ARHGAP24: variants seen among roughly 807,000 people sequenced by gnomAD.
The protein encoded by ARHGAP24 is rho GTPase-activating protein 24.
In ARHGAP24, 50 loss-of-function variants were observed where a neutral mutation model predicts 76.4. The observed-to-expected ratio is 0.65, with a 90% CI of 0.52 to 0.83. The LOEUF is 0.83. Ranked by LOEUF, ARHGAP24 falls within the 40% of genes least tolerant of loss-of-function variation. ARHGAP24 has a pLI of 0.00. For synonymous variants in ARHGAP24, 345 were observed against 323.3 expected, an observed-to-expected ratio of 1.07 and a Z score of -0.72; for missense variants, 930 against 914.2, an observed-to-expected ratio of 1.02 and a Z score of -0.22.
intron 2 of ARHGAP24, among the ~76,000 whole-genome samples, chr4:85,603,366 A>G (rs1480272441): frequency 6.6e-6 from 1 of 152,232 alleles, no homozygotes; most frequent in Non-Finnish European, 1.5e-5. Context: ...GCTGTGACGC[A>G]CTTACCATCC....
intron 1 of ARHGAP24, among the ~76,000 whole-genome samples, chr4:85,564,301 A>G (rs563166836): frequency 6.6e-6 from 1 of 151,954 alleles, no homozygotes; most frequent in Non-Finnish European, 1.5e-5. Flanking sequence ...GACAAAAAAA[A>G]CAAGCACTGT....
At chr4:85,807,666 G>C (rs761133124) in intron 3 of ARHGAP24, among the ~76,000 whole-genome samples, 1 of 152,062 alleles carries the variant, frequency 6.6e-6, no homozygotes. Flanking sequence ...TCCTGATGAC[G>C]GATGGTTTTG....
rs116763730 is a variant in ARHGAP24, at chr4:85,627,146, C to A, written c.180+56425C>A. Among the ~76,000 whole-genome samples, 15 of 151,992 alleles carry A rather than the reference C, an allele frequency of 9.9e-5. No individual in the cohort carries two copies. The East Asian group carries it at 2.5e-3, about 26-fold the overall frequency. ...TGCATTCCTTTGGAGGAGGAGAGGC[C>A]TTCTGATTTTTAGAGTTTTGAGTTT... On this transcript the variant is annotated intron_variant, in intron 2 of 9. Coordinates refer to ENST00000395184, the MANE Select transcript of ARHGAP24 (RefSeq NM_001025616.3).
chr4:85,804,047 G>A (rs1728688484), intron 3 of ARHGAP24, among the ~76,000 whole-genome samples: 1 of 151,716 alleles, frequency 6.6e-6, no homozygotes, highest in Admixed American at 6.6e-5. Context: ...CGCCTCCTGG[G>A]TTCAAGGTAC....
chr4:85,628,272 T>C (rs1721039228), intron 2 of ARHGAP24, among the ~76,000 whole-genome samples: 1 of 152,190 alleles, frequency 6.6e-6, no homozygotes, highest in Admixed American at 6.5e-5. Context: ...TGTTGTTTAG[T>C]TTTTCTGTAT....
At chr4:85,728,954 T>C (rs1560605009) in intron 3 of ARHGAP24, among the ~76,000 whole-genome samples, 1 of 152,254 alleles carries the variant, frequency 6.6e-6, no homozygotes, top group Non-Finnish European at 1.5e-5. Flanking sequence ...AATGTTTTAA[T>C]TGTGTTTTAG....
intron 3 of ARHGAP24, among the ~76,000 whole-genome samples, chr4:85,755,858 C>A (rs1331859040): frequency 6.6e-6 from 1 of 151,848 alleles, no homozygotes; most frequent in South Asian, 2.1e-4. Context: ...GTCTCGAACT[C>A]CTGACTTCAG....
intron 1 of ARHGAP24, among the ~76,000 whole-genome samples, chr4:85,540,568 TATAC>T (rs1252702829): frequency 6.6e-6 from 1 of 152,236 alleles, no homozygotes; most frequent in Non-Finnish European, 1.5e-5. Context: ...ACAGTTTATG[TATAC>T]ATTAAGTGTA....
intron 3 of ARHGAP24, among the ~76,000 whole-genome samples, chr4:85,784,905 CTCTA>C (rs59888935): frequency 0.14 from 21,010 of 147,506 alleles, 1,532 homozygotes; most frequent in Middle Eastern, 0.19. Flanking sequence ...GATTATATAT[CTCTA>C]TCTATCTATC....
chr4:85,548,070 T>C (rs987333611), intron 1 of ARHGAP24, among the ~76,000 whole-genome samples: 1 of 81,270 alleles, frequency 1.2e-5, no homozygotes, highest in African/African-American at 3.1e-5. Context: ...ATTTAAATAC[T>C]ATTATTATTT....
At position 85,570,392 on chromosome 4, in the gene ARHGAP24, T is replaced by A. The variant is rs113143030; in HGVS notation, c.-20-130T>A. The A allele has an allele frequency of 5.4e-3, 59 of 11,000 alleles. 29 individuals carry two copies. Among genetic ancestry groups the A allele is most frequent in the Non-Finnish European group, 9.4e-3 (48 of 5,088 alleles). 0.7% of individuals were successfully genotyped at this position (11,000 alleles called of 1,614,324 possible). On this transcript the variant is annotated intron_variant, in intron 1 of 9. Coordinates refer to ENST00000395184, the MANE Select transcript of ARHGAP24 (RefSeq NM_001025616.3). ...TTTCTTTCTTTCTTTCTTTCTTTCT[T>A]TCTTTCTTTCTTTCTTTCTTTCTTT... is the stretch of plus-strand genomic sequence containing the variant.
At chr4:85,918,445 T>A (rs1413375049) in intron 3 of ARHGAP24, among the ~76,000 whole-genome samples, 8 of 151,958 alleles carry the variant, frequency 5.3e-5, no homozygotes, top group Non-Finnish European at 1.0e-4. Context: ...TTCAAATGTA[T>A]TTATTAAAAG....
At chr4:85,509,294 A>G (rs1724187289) in intron 1 of ARHGAP24, among the ~76,000 whole-genome samples, 1 of 151,728 alleles carries the variant, frequency 6.6e-6, no homozygotes, top group Admixed American at 6.6e-5. Flanking sequence ...ATGTATACAT[A>G]TGTAACTAAC....
intron 3 of ARHGAP24, among the ~76,000 whole-genome samples, chr4:85,892,254 T>C (rs1459670633): frequency 2.2e-5 from 1 of 46,460 alleles, no homozygotes; most frequent in Non-Finnish European, 4.4e-5. Flanking sequence ...TCTCTCTTTT[T>C]TTCTTTATTA....
At chr4:85,488,179 C>A (rs1396523380) in intron 1 of ARHGAP24, among the ~76,000 whole-genome samples, 1 of 151,674 alleles carries the variant, frequency 6.6e-6, no homozygotes, top group Non-Finnish European at 1.5e-5. Context: ...CAAGCCGAAG[C>A]CACCTTGATA....
intron 9 of ARHGAP24, 112 bp from the exon 10 acceptor site, chr4:86,000,367 T>A: frequency 1.2e-6 from 1 of 856,894 alleles, no homozygotes; most frequent in Admixed American, 2.0e-5. Flanking sequence ...TTCCTAAGCA[T>A]CATAAAGAGT....
At chr4:85,746,661 G>GT (rs1553926945) in intron 3 of ARHGAP24, among the ~76,000 whole-genome samples, 2 of 151,616 alleles carry the variant, frequency 1.3e-5, no homozygotes, top group Admixed American at 1.3e-4. Flanking sequence ...GTTGTGTTTT[G>GT]TTTTTTTTAG....
intron 3 of ARHGAP24, among the ~76,000 whole-genome samples, chr4:85,748,591 T>G (rs1726139157): frequency 6.6e-6 from 1 of 152,212 alleles, no homozygotes; most frequent in Non-Finnish European, 1.5e-5. Context: ...TGGGAGTATT[T>G]TTAAATTGTG....
chr4:85,966,551 A>G (rs560793863), intron 5 of ARHGAP24, among the ~76,000 whole-genome samples: 1 of 152,294 alleles, frequency 6.6e-6, no homozygotes, highest in South Asian at 2.1e-4. Flanking sequence ...TAAAAAAATA[A>G]GTTTGAACAG....
Sources: allele counts gnomAD v4.1 joint callset (sites outside exome capture counted in the v4.1 genomes callset), GRCh38; gene constraint gnomAD v4.1.1; transcripts MANE v1.5; gene names NCBI Gene and HGNC (gene_info 2026-07-23, HGNC 2026-07-21).